Variants in ZNF629 observed in about 807,000 individuals in gnomAD.
ZNF629 encodes zinc finger protein 629.
A neutral mutation model predicts 59.7 loss-of-function variants in ZNF629; 9 were observed. The observed-to-expected ratio is 0.15, with a 90% CI of 0.09 to 0.26. The LOEUF (loss-of-function observed/expected upper bound fraction) is 0.26, where lower values mean the gene tolerates loss of function less well. ZNF629 is among the 10% of genes least tolerant of loss of function. ZNF629 has a pLI of 1.00. For missense variants in ZNF629, 853 were observed against 1,165.4 expected, an observed-to-expected ratio of 0.73 and a Z score of 3.90; for synonymous variants, 509 against 498.9, an observed-to-expected ratio of 1.02 and a Z score of -0.27.
chr16:30,784,866 G>A (rs2054318535), intron 1 of ZNF629, among the ~76,000 whole-genome samples: 1 of 152,182 alleles, frequency 6.6e-6, no homozygotes, highest in Non-Finnish European at 1.5e-5. Context: ...CAGAGGCTGG[G>A]AAACCTGTTA....
intron 1 of ZNF629, among the ~76,000 whole-genome samples, chr16:30,785,540 C>T (rs1047564841): frequency 1.3e-5 from 2 of 152,068 alleles, no homozygotes; most frequent in African/African-American, 4.8e-5. Context: ...CCAGAGGTTT[C>T]CCAGGCTAGA....
Position 30,778,521 on chromosome 16 carries a change from G to A in ZNF629, c.*3197C>T, listed in dbSNP as rs2054254592. 1 of 152,660 alleles carries A rather than the reference G, an allele frequency of 6.6e-6. No homozygotes were observed. The highest frequency in any genetic ancestry group is 1.5e-5 in the Non-Finnish European group (1 of 68,088). The allele number at this position is 152,660 out of a possible 1,614,324, so 9.5% of individuals were successfully genotyped here. A position where few individuals can be genotyped will look rare whatever the true frequency, so the allele number is the denominator to read the frequency against. On this transcript the variant is annotated 3_prime_UTR_variant, in exon 3 of 3. Coordinates refer to ENST00000262525, the MANE Select transcript of ZNF629 (RefSeq NM_001080417.3). ...ACCACCAGTGACACAACACTGTTTTGGACACACAACACTCAAAAATGGGGC... is the reference window on the plus strand; with the variant it reads ...ACCACCAGTGACACAACACTGTTTTAGACACACAACACTCAAAAATGGGGC...
rs535299074 is a variant in ZNF629, at chr16:30,786,671, G to T, written c.-34+357C>A. ...CTGCTCCCCCGGAGCCGCGACCCCC[G>T]TCCCGCTGCTGATACAGAGCCTGGG... On this transcript the variant is annotated intron_variant, in intron 1 of 2. Transcript: ENST00000262525. This position sits in a 1 kb window ranked among gnomAD's most constrained non-coding sequence, Gnocchi z 4.8. 1.2e-3 allele frequency among the ~76,000 whole-genome samples: 112 copies of T among 95,672 alleles called. No homozygotes were observed. The highest frequency in any genetic ancestry group is 4.6e-3 in the African/African-American group (111 of 23,902). 62.8% of individuals were successfully genotyped at this position (95,672 alleles called of 152,430 possible). A position where few individuals can be genotyped will look rare whatever the true frequency, so the allele number is the denominator to read the frequency against.
In ZNF629 at chr16:30,781,401, CAATT is replaced by C. The variant is rs2054279771; in HGVS notation, c.*313_*316del. 1 of 216,442 alleles carries C rather than the reference CAATT, an allele frequency of 4.6e-6. No homozygotes were observed. The highest frequency in any genetic ancestry group is 2.3e-5 in the African/African-American group (1 of 43,870). 13.4% of individuals were successfully genotyped at this position (216,442 alleles called of 1,614,324 possible). The stretch of plus-strand genomic sequence containing the variant: ...AGAGACATATTGGGACCTCTTCCTA[CAATT>C]AATAGGGCTTTTATCCACTATGGTT... On this transcript the variant is annotated 3_prime_UTR_variant, in exon 3 of 3. Transcript: ENST00000262525.
chr16:30,786,878 C>T lies in ZNF629; in HGVS notation c.-34+150G>A, dbSNP rs920669198. Reference sequence around the variant, plus strand: ...AGAATCCTCGGCCCTCCGCGCCCCCCGCCCGCCCCCACCCCGGCCACAGCC... The same window carrying T: ...AGAATCCTCGGCCCTCCGCGCCCCCTGCCCGCCCCCACCCCGGCCACAGCC... On this transcript the variant is annotated intron_variant, in intron 1 of 2. Coordinates refer to ENST00000262525, the MANE Select transcript of ZNF629 (RefSeq NM_001080417.3). The surrounding 1 kb of genome is among the most constrained non-coding windows in gnomAD (Gnocchi z 4.8). The T allele has an allele frequency of 6.6e-6, 1 of 151,850 alleles. No individual in the cohort carries two copies. The highest frequency in any genetic ancestry group is 2.4e-5 in the African/African-American group (1 of 41,358). The allele number at this position is 151,850 out of a possible 1,614,324, so 9.4% of individuals were successfully genotyped here. A position where few individuals can be genotyped will look rare whatever the true frequency, so the allele number is the denominator to read the frequency against.
rs1036848088 is a variant in ZNF629 at position 30,781,008 on chromosome 16, T to C, written c.*710A>G. The C allele has an allele frequency of 1.3e-5, 2 of 152,194 alleles. No individual in the cohort carries two copies. The highest frequency in any genetic ancestry group is 4.8e-5 in the African/African-American group (2 of 41,452). 9.4% of individuals were successfully genotyped at this position (152,194 alleles called of 1,614,324 possible). ...TTTGATAAGGGATTCCATAGGCCTC[T>C]TTCCCTAAAACACACAATGCATCTA... On this transcript the variant is annotated 3_prime_UTR_variant, in exon 3 of 3. Coordinates refer to ENST00000262525, the MANE Select transcript of ZNF629 (RefSeq NM_001080417.3).
At position 30,782,389 on chromosome 16, in the gene ZNF629, G is replaced by A; in HGVS notation, c.1939C>T (p.Gln647Ter). ...CCCCGCCTCTGGCTGAAGCCCTCCT[G>A]ACCCTCCGGCGGCTTAAGGGGCTGT... ...PGQPLKPPEG[Q>*]EGFSQRRGLL... The change falls in exon 3 of 3, where the codon CAG (glutamine) becomes TAG (stop). Residue 647 changes from glutamine (Q) to a stop codon, truncating the protein, a stop_gained. Coordinates refer to ENST00000262525, the MANE Select transcript of ZNF629 (RefSeq NM_001080417.3). LOFTEE classifies it high-confidence loss of function. 6.3e-7 allele frequency: 1 copy of A among 1,576,184 alleles called. No individual in the cohort carries two copies. Among genetic ancestry groups the A allele is most frequent in the Non-Finnish European group, 8.6e-7 (1 of 1,160,896 alleles).
chr16:30,786,670 C>T lies in ZNF629; in HGVS notation c.-34+358G>A, dbSNP rs574368072. ...TCTGCTCCCCCGGAGCCGCGACCCC[C>T]GTCCCGCTGCTGATACAGAGCCTGG... is the stretch of plus-strand genomic sequence containing the variant. On this transcript the variant is annotated intron_variant, in intron 1 of 2. Coordinates refer to ENST00000262525, the MANE Select transcript of ZNF629 (RefSeq NM_001080417.3). This position sits in a 1 kb window ranked among gnomAD's most constrained non-coding sequence, Gnocchi z 4.8. 1.4e-4 allele frequency among the ~76,000 whole-genome samples: 22 copies of T among 151,806 alleles called. No homozygotes were observed. The South Asian group carries it at 2.5e-3, about 17-fold the overall frequency.
Position 30,779,905 on chromosome 16 carries a change from C to G in ZNF629, c.*1813G>C, listed in dbSNP as rs1025389922. On this transcript the variant is annotated 3_prime_UTR_variant, in exon 3 of 3. Transcript: ENST00000262525. Reference sequence around the variant, plus strand: ...CTGACCCAGCGCTGAGCAGAGTCCTCTCCTTTTGAAGGGGTCTCCAGGATT... The same window carrying G: ...CTGACCCAGCGCTGAGCAGAGTCCTGTCCTTTTGAAGGGGTCTCCAGGATT... 1.3e-5 allele frequency: 2 copies of G among 152,286 alleles called. No homozygotes were observed. Among genetic ancestry groups the G allele is most frequent in the Admixed American group, 1.3e-4 (2 of 15,276 alleles). 9.4% of individuals were successfully genotyped at this position (152,286 alleles called of 1,614,324 possible).
At chr16:30,784,311 T>C (rs540931217) in intron 2 of ZNF629, 57 bp from the exon 3 acceptor site, 5 of 1,557,164 alleles carry the variant, frequency 3.2e-6, no homozygotes, top group Non-Finnish European at 4.3e-6. Flanking sequence ...CGGGGTTTGG[T>C]CTCTCTTCCC....
Position 30,782,094 on chromosome 16 carries a change from C to T in ZNF629, c.2234G>A (p.Ser745Asn). 1 of 1,596,422 alleles carries T rather than the reference C, an allele frequency of 6.3e-7. No individual in the cohort carries two copies. Among genetic ancestry groups the T allele is most frequent in the Non-Finnish European group, 8.5e-7 (1 of 1,171,312 alleles). ...GGAAGAGCTCTTCCCCAGCTCTGGA[C>T]TCTTCTGGGAGCTCTTCCCGCCTGC... ...VHAGGKSSQKSPELGKSSSVL... is the reference protein window; with the variant it reads ...VHAGGKSSQKNPELGKSSSVL... The change falls in exon 3 of 3, where the codon AGT becomes AAT. Residue 745 changes from serine (S) to asparagine (N), a missense_variant. Physicochemically the swap from Ser to Asn is conservative, Grantham distance 46. Coordinates refer to ENST00000262525, the MANE Select transcript of ZNF629 (RefSeq NM_001080417.3).
At position 30,781,555 on chromosome 16, in the gene ZNF629, T is replaced by G; in HGVS notation, c.*163A>C. The G allele has an allele frequency of 3.3e-6, 2 of 610,030 alleles. No homozygotes were observed. The highest frequency in any genetic ancestry group is 5.0e-6 in the Non-Finnish European group (2 of 396,286). The allele number at this position is 610,030 out of a possible 1,614,324, so 37.8% of individuals were successfully genotyped here. On this transcript the variant is annotated 3_prime_UTR_variant, in exon 3 of 3. Coordinates refer to ENST00000262525, the MANE Select transcript of ZNF629 (RefSeq NM_001080417.3). ...TTCCCACCAACAATTTTATAGGGTT[T>G]CTCATCACTGATGTAAAAGCACTAT...
intron 2 of ZNF629, 60 bp from the exon 3 acceptor site, chr16:30,784,314 C>T (rs1366531754): frequency 1.3e-6 from 2 of 1,554,506 alleles, no homozygotes. Context: ...GGTTTGGTCT[C>T]TCTTCCCTCC....
rs1320546694 is a variant in ZNF629 at position 30,782,047 on chromosome 16, T to C, written c.2281A>G (p.Ser761Gly). The C allele has an allele frequency of 8.3e-6, 13 of 1,572,326 alleles. No homozygotes were observed. Among genetic ancestry groups the C allele is most frequent in the Non-Finnish European group, 1.0e-5 (12 of 1,159,228 alleles). Residue 761 changes from serine to glycine, a missense_variant, in exon 3 of 3, where the codon AGC (serine) becomes GGC (glycine). By Grantham distance (56) the Ser-to-Gly change is moderately conservative. Transcript: ENST00000262525. The part of the protein sequence containing the change: ...SSSVLLEHLR[S>G]PLGARPYRCS... ...CGGTAGGGTCTGGCCCCCAGGGGGC[T>C]CCTGAGATGCTCCAGGAGGACGGAA...
In ZNF629 at chr16:30,779,599, T is replaced by A. The variant is rs1430042609; in HGVS notation, c.*2119A>T. On this transcript the variant is annotated 3_prime_UTR_variant, in exon 3 of 3. Coordinates refer to ENST00000262525, the MANE Select transcript of ZNF629 (RefSeq NM_001080417.3). Reference sequence around the variant, plus strand: ...ACAATCCTGAGGCCTGCCTTCTCCCTCTCCCCAGCAGGCCTGGCGTTTTCC... The same window carrying A: ...ACAATCCTGAGGCCTGCCTTCTCCCACTCCCCAGCAGGCCTGGCGTTTTCC... 1 of 152,152 alleles carries A rather than the reference T, an allele frequency of 6.6e-6. No homozygotes were observed. Among genetic ancestry groups the A allele is most frequent in the Non-Finnish European group, 1.5e-5 (1 of 68,040 alleles). The allele number at this position is 152,152 out of a possible 1,614,324, so 9.4% of individuals were successfully genotyped here.
In ZNF629 at chr16:30,786,545, C is replaced by T. The variant is rs925650528; in HGVS notation, c.-34+483G>A. Among the ~76,000 whole-genome samples, 1 of 152,170 alleles carries T rather than the reference C, an allele frequency of 6.6e-6. No individual in the cohort carries two copies. Among genetic ancestry groups the T allele is most frequent in the Non-Finnish European group, 1.5e-5 (1 of 68,016 alleles). ...TGCAGAGGGAGGGAATGAGGAGCCG[C>T]CTCCCGAGAGATGTGGGGAACGGCC... On this transcript the variant is annotated intron_variant, in intron 1 of 2. Transcript: ENST00000262525. This position sits in a 1 kb window ranked among gnomAD's most constrained non-coding sequence, Gnocchi z 4.8.
In ZNF629 at chr16:30,780,716, G is replaced by C. The variant is rs2054272701; in HGVS notation, c.*1002C>G. The C allele has an allele frequency of 6.6e-6, 1 of 152,330 alleles. No individual in the cohort carries two copies. Among genetic ancestry groups the C allele is most frequent in the African/African-American group, 2.4e-5 (1 of 41,438 alleles). 9.4% of individuals were successfully genotyped at this position (152,330 alleles called of 1,614,324 possible). A position where few individuals can be genotyped will look rare whatever the true frequency, so the allele number is the denominator to read the frequency against. ...CCTGCCTGGTGTGGGGAGAACCCTTGCACTCTGAGAGCTGGGACCTGCCTG... is the reference window on the plus strand; with the variant it reads ...CCTGCCTGGTGTGGGGAGAACCCTTCCACTCTGAGAGCTGGGACCTGCCTG... On this transcript the variant is annotated 3_prime_UTR_variant, in exon 3 of 3. Transcript: ENST00000262525.
Position 30,784,467 on chromosome 16 carries a change from C to T in ZNF629, c.16G>A (p.Ala6Thr). ...CCCTGCAGATCCGGGCCCCACAGCG[C>T]AGTCTCGGGCTCCATCCCAGAGCTC... MEPETALWGPDLQGPE... is the reference protein window; with the variant it reads MEPETTLWGPDLQGPE... The change falls in exon 2 of 3, where the codon GCG becomes ACG. Residue 6 changes from alanine to threonine, a missense_variant. By Grantham distance (58) the Ala-to-Thr change is moderately conservative. Coordinates refer to ENST00000262525, the MANE Select transcript of ZNF629 (RefSeq NM_001080417.3). 1 of 1,553,278 alleles carries T rather than the reference C, an allele frequency of 6.4e-7. No homozygotes were observed. The highest frequency in any genetic ancestry group is 8.7e-7 in the Non-Finnish European group (1 of 1,151,154).
Position 30,783,944 on chromosome 16 carries a change from G to A in ZNF629, c.384C>T (p.Val128=). 3 of 1,589,062 alleles carry A rather than the reference G, an allele frequency of 1.9e-6. No individual in the cohort carries two copies. The South Asian group carries it at 3.4e-5, about 18-fold the overall frequency. Residue 128 remains valine (V), a synonymous_variant, in exon 3 of 3, where the codon GTC becomes GTT. Transcript: ENST00000262525. The part of the protein sequence containing the change: ...ALTTWNSPPV[V]PANEPSLREL... ...CCCGCAGGCTGGGCTCGTTGGCGGG[G>A]ACGACTGGGGGGCTGTTCCATGTGG...
Sources: gnomAD v4.1 joint callset for allele counts (sites outside exome capture counted in the v4.1 genomes callset) on GRCh38, gnomAD v4.1.1 for gene constraint, Gnocchi (gnomAD v3.1) non-coding constraint, MANE v1.5 for transcripts, NCBI Gene and HGNC (gene_info 2026-07-23, HGNC 2026-07-21) for gene names.